ESYT2: variants seen among roughly 807,000 people sequenced by gnomAD.
The protein encoded by ESYT2 is extended synaptotagmin-2.
A neutral mutation model predicts 107.2 loss-of-function variants in ESYT2; 54 were observed. That is an observed-to-expected ratio of 0.50 (90% CI 0.40 to 0.63). ESYT2 has a LOEUF of 0.63. Among genes scored for constraint, ESYT2 ranks in the 30% least tolerant of loss-of-function variants. The probability of loss-of-function intolerance (pLI) is 0.00; values close to 1 mark genes in which losing one functional copy is unlikely to be tolerated. For synonymous variants in ESYT2, 491 were observed against 434.1 expected (o/e 1.13, Z -1.63); for missense variants, 1,020 against 1,094.5 (o/e 0.93, Z 0.96).
intron 20 of ESYT2, 144 bp from the exon 21 acceptor site, chr7:158,735,752 T>C (rs3816463): frequency 1.1e-5 from 8 of 728,664 alleles, no homozygotes; most frequent in Non-Finnish European, 1.3e-5. Context: ...CCTAATGTTT[T>C]AATCTGGCAT....
At chr7:158,750,873 C>T (rs1351291772) in intron 14 of ESYT2, among the ~76,000 whole-genome samples, 1 of 152,200 alleles carries the variant, frequency 6.6e-6, no homozygotes, top group East Asian at 1.9e-4. Context: ...TCCCCTCGGG[C>T]TGGAGCCACA....
intron 8 of ESYT2, among the ~76,000 whole-genome samples, chr7:158,767,020 C>G (rs563662744): frequency 1.2e-4 from 18 of 152,346 alleles, no homozygotes; most frequent in African/African-American, 3.4e-4. Flanking sequence ...GCAACCAGCT[C>G]TGTGTGCTGG....
intron 6 of ESYT2, among the ~76,000 whole-genome samples, chr7:158,782,284 GAA>G (rs1275238619): frequency 2.7e-4 from 16 of 59,566 alleles, no homozygotes; most frequent in Non-Finnish European, 5.9e-4. Flanking sequence ...CAAAATGTGA[GAA>G]ATGTGTGAAA....
intron 1 of ESYT2, chr7:158,827,633 T>C (rs778023754): frequency 6.6e-6 from 1 of 152,238 alleles, no homozygotes; most frequent in Non-Finnish European, 1.5e-5. Flanking sequence ...CTTACTCCAG[T>C]TGCAATATGA....
At chr7:158,763,408 C>T (rs1226636958) in intron 9 of ESYT2, among the ~76,000 whole-genome samples, 1 of 152,122 alleles carries the variant, frequency 6.6e-6, no homozygotes, top group African/African-American at 2.4e-5. Context: ...GATTCTCCTG[C>T]CTCAGCCTCC....
intron 13 of ESYT2, among the ~76,000 whole-genome samples, chr7:158,757,608 G>A (rs999194806): frequency 1.1e-4 from 17 of 152,134 alleles, no homozygotes; most frequent in African/African-American, 4.1e-4. Context: ...TTAATCCAGA[G>A]CCAAAGGATC....
chr7:158,737,727 G>A (rs1837018034), intron 19 of ESYT2, among the ~76,000 whole-genome samples: 5 of 152,186 alleles, frequency 3.3e-5, no homozygotes, highest in Admixed American at 1.3e-4. Context: ...CTTCTCAAGA[G>A]TGATGTACTG....
At chr7:158,769,204 T>A (rs561661977) in intron 7 of ESYT2, among the ~76,000 whole-genome samples, 124 of 152,154 alleles carry the variant, frequency 8.1e-4, no homozygotes, top group African/African-American at 2.7e-3. Flanking sequence ...TGGGAAAAAA[T>A]TTTTTAAATC....
intron 1 of ESYT2, among the ~76,000 whole-genome samples, chr7:158,821,547 AC>A (rs1405605741): frequency 3.3e-5 from 5 of 152,242 alleles, no homozygotes. Flanking sequence ...TCTTAAAAGC[AC>A]GACAGTAATC....
chr7:158,745,006 C>A (rs181394780), intron 16 of ESYT2, among the ~76,000 whole-genome samples: 1 of 152,166 alleles, frequency 6.6e-6, no homozygotes, highest in African/African-American at 2.4e-5. Flanking sequence ...GAAAAACCAG[C>A]TAGACAAAAC....
chr7:158,752,151 A>T (rs1274324692), intron 14 of ESYT2, among the ~76,000 whole-genome samples: 1 of 152,252 alleles, frequency 6.6e-6, no homozygotes, highest in Non-Finnish European at 1.5e-5. Context: ...TTTAAGCCTA[A>T]AATATTCAAA....
intron 1 of ESYT2, among the ~76,000 whole-genome samples, chr7:158,813,210 A>G (rs962709552): frequency 6.6e-6 from 1 of 152,238 alleles, no homozygotes. Context: ...AATATATGAC[A>G]TTCTAGAAAG....
chr7:158,781,380 G>A (rs567965908), intron 6 of ESYT2, among the ~76,000 whole-genome samples: 17 of 152,090 alleles, frequency 1.1e-4, no homozygotes, highest in African/African-American at 2.9e-4. Context: ...GTGTGAGAGT[G>A]AACGAGTGTT....
Position 158,734,145 on chromosome 7 carries a change from A to C in ESYT2, c.*62T>G. On this transcript the variant is annotated 3_prime_UTR_variant, in exon 23 of 23. Coordinates refer to ENST00000275418, the MANE Select transcript of ESYT2 (RefSeq NM_001367773.1). ...AAAATAACATTGGTACGTCTGTGAGAGGGTGTGTTCCGGGTAGAGGTGGAG... is the reference window on the plus strand; with the variant it reads ...AAAATAACATTGGTACGTCTGTGAGCGGGTGTGTTCCGGGTAGAGGTGGAG... 1.3e-6 allele frequency: 2 copies of C among 1,542,868 alleles called. No individual in the cohort carries two copies. Among genetic ancestry groups the C allele is most frequent in the Non-Finnish European group, 1.8e-6 (2 of 1,116,878 alleles).
intron 1 of ESYT2, among the ~76,000 whole-genome samples, chr7:158,825,330 T>A (rs1374826534): frequency 6.6e-6 from 1 of 152,042 alleles, no homozygotes; most frequent in Non-Finnish European, 1.5e-5. Flanking sequence ...AATAAATAAA[T>A]CTTCTCTTCT....
chr7:158,753,098 C>A (rs895167555), intron 13 of ESYT2, among the ~76,000 whole-genome samples: 1 of 152,216 alleles, frequency 6.6e-6, no homozygotes, highest in Non-Finnish European at 1.5e-5. Context: ...TCTTTTACTA[C>A]CCCCACCCTC....
In ESYT2 at chr7:158,829,244, T is replaced by G. The variant is rs1454144819; in HGVS notation, c.175A>C (p.Ser59Arg). 23 of 1,528,392 alleles carry G rather than the reference T, an allele frequency of 1.5e-5. No homozygotes were observed. Among genetic ancestry groups the G allele is most frequent in the Non-Finnish European group, 2.0e-5 (23 of 1,146,052 alleles). The allele number at this position is 1,528,392 out of a possible 1,614,324, so 94.7% of individuals were successfully genotyped here. A position where few individuals can be genotyped will look rare whatever the true frequency, so the allele number is the denominator to read the frequency against. Residue 59 changes from serine (S) to arginine (R), a missense_variant, in exon 1 of 23, where the codon AGC (serine) becomes CGC (arginine). By Grantham distance (110) the Ser-to-Arg change is moderately radical. Coordinates refer to ENST00000275418, the MANE Select transcript of ESYT2 (RefSeq NM_001367773.1). The stretch of plus-strand genomic sequence containing the variant: ...AGCGCGAGGAGAACCCAGCTGAAGC[T>G]GAGCCCCAGGTAGCCCAGCGCGTAC... ...PVYALGYLGL[S>R]FSWVLLALAL...
chr7:158,736,984 T>C (rs1427276314), intron 20 of ESYT2, 64 bp downstream of exon 20: 9 of 1,597,986 alleles, frequency 5.6e-6, no homozygotes, highest in South Asian at 1.1e-5. Flanking sequence ...AGGCACCATT[T>C]AGGGCCTTCT....
intron 7 of ESYT2, among the ~76,000 whole-genome samples, chr7:158,770,274 C>G (rs1437188251): frequency 6.6e-6 from 1 of 151,884 alleles, no homozygotes; most frequent in Non-Finnish European, 1.5e-5. Flanking sequence ...CAACTAGTAG[C>G]CCCAATTTTA....
Sources: allele counts gnomAD v4.1 joint callset (sites outside exome capture counted in the v4.1 genomes callset), GRCh38; gene constraint gnomAD v4.1.1; transcripts MANE v1.5; gene names NCBI Gene and HGNC (gene_info 2026-07-23, HGNC 2026-07-21).